Variants in GUCY1A2 observed in about 807,000 individuals in gnomAD.
GUCY1A2 encodes the protein guanylate cyclase soluble subunit alpha-2.
In GUCY1A2, 27 loss-of-function variants were observed where a neutral mutation model predicts 63.5. That is an observed-to-expected ratio of 0.43 (90% confidence interval 0.31 to 0.59). The LOEUF (loss-of-function observed/expected upper bound fraction) is 0.59. GUCY1A2 is among the 20% of genes least tolerant of loss of function. The pLI is 0.11. For missense variants in GUCY1A2, 768 were observed against 913.3 expected (o/e 0.84, Z 2.05); for synonymous variants, 364 against 343.5 (o/e 1.06, Z -0.66).
intron 6 of GUCY1A2, among the ~76,000 whole-genome samples, chr11:106,732,746 G>T (rs1167269992): frequency 6.6e-6 from 1 of 152,100 alleles, no homozygotes; most frequent in Non-Finnish European, 1.5e-5. Context: ...AGAAATTAAG[G>T]AATGAAATAT....
In GUCY1A2 at chr11:106,993,538, T is replaced by TAA. The variant is rs142290359; in HGVS notation, c.304-7409_304-7408dup. On this transcript the variant is annotated intron_variant, in intron 1 of 7. Transcript: ENST00000526355. The stretch of plus-strand genomic sequence containing the variant: ...TACATATAAGCCAAAAAATAAAAAA[T>TAA]AAAAAAAAGACTGCAAATTAAATAT... Among the ~76,000 whole-genome samples the TAA allele has an allele frequency of 5.9e-5, 9 of 151,454 alleles. No individual in the cohort carries two copies. In the South Asian group the frequency reaches 1.3e-3, roughly 21 times the overall value.
At chr11:106,848,858 C>T (rs1017089563) in intron 4 of GUCY1A2, among the ~76,000 whole-genome samples, 1 of 151,590 alleles carries the variant, frequency 6.6e-6, no homozygotes, top group African/African-American at 2.4e-5. Flanking sequence ...ATGTGGAATA[C>T]TTGTACCAAA....
chr11:106,936,174 G>A (rs992638273), intron 4 of GUCY1A2, among the ~76,000 whole-genome samples: 1 of 152,148 alleles, frequency 6.6e-6, no homozygotes, highest in Non-Finnish European at 1.5e-5. Flanking sequence ...AAGAAGCTTT[G>A]TAATCTATAT....
At chr11:106,707,951 T>C (rs1862945881) in intron 7 of GUCY1A2, among the ~76,000 whole-genome samples, 1 of 152,262 alleles carries the variant, frequency 6.6e-6, no homozygotes, top group South Asian at 2.1e-4. Flanking sequence ...AAATGCTCTT[T>C]GGAAGATATT....
At chr11:106,864,162 T>C (rs1000966200) in intron 4 of GUCY1A2, among the ~76,000 whole-genome samples, 4 of 151,906 alleles carry the variant, frequency 2.6e-5, no homozygotes, top group East Asian at 3.9e-4. Context: ...CGTGTATACC[T>C]ATGTAACAAA....
At position 106,687,692 on chromosome 11, in the gene GUCY1A2, A is replaced by G. The variant is rs1565258037; in HGVS notation, c.2056T>C (p.Phe686Leu). The change falls in exon 8 of 8, where the codon TTT (phenylalanine) becomes CTT (leucine). Residue 686 changes from phenylalanine (F) to leucine (L), a missense_variant. Physicochemically the swap from Phe to Leu is conservative, Grantham distance 22. Coordinates refer to ENST00000526355, the MANE Select transcript of GUCY1A2 (RefSeq NM_000855.3). ...PRSREELPDN[F>L]PKEIPGICYF... ...CAGATCCCAGGAATTTCCTTTGGAAAGTTGTCTGGAAGCTCTTCACGAGAC... is the reference window on the plus strand; with the variant it reads ...CAGATCCCAGGAATTTCCTTTGGAAGGTTGTCTGGAAGCTCTTCACGAGAC... The G allele has an allele frequency of 6.2e-7, 1 of 1,613,628 alleles. No homozygotes were observed. The highest frequency in any genetic ancestry group is 8.5e-7 in the Non-Finnish European group (1 of 1,179,518).
At chr11:106,940,311 T>A (rs1860736320) in intron 3 of GUCY1A2, 133 bp from the exon 4 acceptor site, 1 of 550,432 alleles carries the variant, frequency 1.8e-6, no homozygotes, top group African/African-American at 1.9e-5. Flanking sequence ...TCCACAAATT[T>A]CCACATAGGT....
intron 6 of GUCY1A2, among the ~76,000 whole-genome samples, chr11:106,718,176 A>G (rs1863250021): frequency 6.6e-6 from 1 of 152,214 alleles, no homozygotes; most frequent in Non-Finnish European, 1.5e-5. Flanking sequence ...CACCATTCAT[A>G]GATAAATTTA....
At chr11:106,716,126 T>G (rs1421420919) in intron 6 of GUCY1A2, among the ~76,000 whole-genome samples, 2 of 152,284 alleles carry the variant, frequency 1.3e-5, no homozygotes, top group East Asian at 3.9e-4. Context: ...CCTGAAGAGC[T>G]TTGGCACATT....
intron 5 of GUCY1A2, among the ~76,000 whole-genome samples, chr11:106,806,469 G>A (rs1591285176): frequency 6.6e-6 from 1 of 152,112 alleles, no homozygotes; most frequent in African/African-American, 2.4e-5. Flanking sequence ...AAAGACAAAT[G>A]TAAAACAAAG....
chr11:106,963,720 G>C (rs1275062759), intron 3 of GUCY1A2, among the ~76,000 whole-genome samples: 1 of 152,086 alleles, frequency 6.6e-6, no homozygotes, highest in Non-Finnish European at 1.5e-5. Flanking sequence ...GTGATACTAG[G>C]AATTTATAGC....
At chr11:106,694,342 C>T (rs1862678260) in intron 7 of GUCY1A2, among the ~76,000 whole-genome samples, 1 of 152,096 alleles carries the variant, frequency 6.6e-6, no homozygotes, top group Non-Finnish European at 1.5e-5. Flanking sequence ...TAGCTGTGAC[C>T]CAAAATTTGT....
intron 6 of GUCY1A2, among the ~76,000 whole-genome samples, chr11:106,761,230 T>C (rs1864060942): frequency 6.6e-6 from 1 of 152,224 alleles, no homozygotes; most frequent in African/African-American, 2.4e-5. Context: ...TATCTTTTTA[T>C]CATGTATGAA....
intron 5 of GUCY1A2, among the ~76,000 whole-genome samples, chr11:106,789,166 T>G (rs1002079041): frequency 4.6e-5 from 7 of 152,198 alleles, no homozygotes; most frequent in African/African-American, 1.7e-4. Flanking sequence ...TTTGGTCAAG[T>G]TCATTGCTAG....
intron 5 of GUCY1A2, among the ~76,000 whole-genome samples, chr11:106,793,092 G>A (rs2135413413): frequency 6.6e-6 from 1 of 152,208 alleles, no homozygotes; most frequent in East Asian, 1.9e-4. Context: ...GAACAAAGCT[G>A]GAGCCGTCAG....
At chr11:106,785,165 T>C (rs1864535094) in intron 5 of GUCY1A2, among the ~76,000 whole-genome samples, 1 of 152,184 alleles carries the variant, frequency 6.6e-6, no homozygotes, top group African/African-American at 2.4e-5. Context: ...AGACGATGGA[T>C]TGAAACTAGG....
intron 6 of GUCY1A2, among the ~76,000 whole-genome samples, chr11:106,732,973 T>G (rs1863529456): frequency 1.3e-5 from 2 of 152,140 alleles, no homozygotes; most frequent in African/African-American, 4.8e-5. Flanking sequence ...CTGAGAAAAA[T>G]AACACAGGAA....
chr11:106,885,202 A>G (rs1271065043), intron 4 of GUCY1A2, among the ~76,000 whole-genome samples: 1 of 152,198 alleles, frequency 6.6e-6, no homozygotes, highest in Non-Finnish European at 1.5e-5. Context: ...ACAAAGCAAT[A>G]TTGCAGAAAA....
intron 3 of GUCY1A2, among the ~76,000 whole-genome samples, chr11:106,962,053 T>C (rs1377966167): frequency 6.6e-6 from 1 of 152,210 alleles, no homozygotes; most frequent in African/African-American, 2.4e-5. Flanking sequence ...AGTTCCTATG[T>C]GGAGATACCA....
Sources: gnomAD v4.1 joint callset for allele counts (sites outside exome capture counted in the v4.1 genomes callset) on GRCh38, gnomAD v4.1.1 for gene constraint, MANE v1.5 for transcripts, NCBI Gene and HGNC (gene_info 2026-07-23, HGNC 2026-07-21) for gene names.